Variants in CASZ1 observed in about 807,000 individuals in gnomAD.
CASZ1 encodes zinc finger protein castor homolog 1.
A neutral mutation model predicts 135.2 loss-of-function variants in CASZ1; 28 were observed. The ratio of observed to expected loss-of-function variants is 0.21; its 90% CI spans 0.15 to 0.28. The LOEUF is 0.28. CASZ1 is among the 10% of genes least tolerant of loss of function. CASZ1 has a pLI of 1.00. For missense variants in CASZ1, 2,161 were observed against 2,453.3 expected (o/e 0.88, Z 2.52); for synonymous variants, 1,068 against 1,073.4 (o/e 0.99, Z 0.10).
At chr1:10,734,786 G>T (rs1639765722) in intron 2 of CASZ1, among the ~76,000 whole-genome samples, 1 of 152,220 alleles carries the variant, frequency 6.6e-6, no homozygotes, top group South Asian at 2.1e-4. Flanking sequence ...ACAATGTTTG[G>T]GGGTGGAAGG....
At chr1:10,750,428 G>A (rs1640129047) in intron 2 of CASZ1, among the ~76,000 whole-genome samples, 2 of 152,008 alleles carry the variant, frequency 1.3e-5, no homozygotes, top group South Asian at 2.1e-4. Flanking sequence ...CTACAGGTGC[G>A]TGCGCCACCA....
At chr1:10,695,670 TTTG>T in intron 3 of CASZ1, among the ~76,000 whole-genome samples, 1 of 150,250 alleles carries the variant, frequency 6.7e-6, no homozygotes, top group Non-Finnish European at 1.5e-5. Context: ...AGCCAGGCGC[TTTG>T]TGCTGCCCGT....
intron 2 of CASZ1, among the ~76,000 whole-genome samples, chr1:10,742,964 A>G (rs557755): frequency 0.98 from 148,370 of 152,120 alleles, 72,368 homozygotes; most frequent in African/African-American, 0.99. Context: ...CAACCTGGGC[A>G]ACAGAGCAAG....
intron 2 of CASZ1, among the ~76,000 whole-genome samples, chr1:10,758,328 C>CTTTT (rs756390835): frequency 4.5e-5 from 6 of 134,362 alleles, no homozygotes; most frequent in African/African-American, 1.2e-4. Context: ...CTCTCTCTCT[C>CTTTT]TTTTTTTTTT....
chr1:10,655,412 C>T (rs1001345946), intron 9 of CASZ1, among the ~76,000 whole-genome samples: 2 of 152,238 alleles, frequency 1.3e-5, no homozygotes, highest in African/African-American at 4.8e-5. Context: ...TCATCCACAC[C>T]AAGTATGGCC....
chr1:10,667,982 C>G (rs1025601012), intron 4 of CASZ1, among the ~76,000 whole-genome samples: 1 of 152,112 alleles, frequency 6.6e-6, no homozygotes, highest in Admixed American at 6.5e-5. Flanking sequence ...CCGACTCCCC[C>G]GGCACCTGCC....
chr1:10,667,209 C>T (rs753478419), intron 4 of CASZ1, among the ~76,000 whole-genome samples: 3 of 152,242 alleles, frequency 2.0e-5, no homozygotes, highest in Non-Finnish European at 4.4e-5. Flanking sequence ...GATAACCGTC[C>T]CCTGATAGAC....
At chr1:10,673,028 C>T (rs1011391818) in intron 4 of CASZ1, among the ~76,000 whole-genome samples, 9 of 150,854 alleles carry the variant, frequency 6.0e-5, no homozygotes, top group African/African-American at 7.3e-5. Flanking sequence ...GCACGGTGGA[C>T]GGCGTTGGGG....
chr1:10,782,797 G>T (rs1443574443), intron 1 of CASZ1, among the ~76,000 whole-genome samples: 1 of 152,206 alleles, frequency 6.6e-6, no homozygotes, highest in South Asian at 2.1e-4. Context: ...TGGGAGGGGG[G>T]AAGGCTGGGG....
In CASZ1 at chr1:10,747,817, C is replaced by CTTT. The variant is rs34001765; in HGVS notation, c.-77+12881_-77+12883dup. On this transcript the variant is annotated intron_variant, in intron 2 of 20. Coordinates refer to ENST00000377022, the MANE Select transcript of CASZ1 (RefSeq NM_001079843.3). The surrounding 1 kb of genome is among the most constrained non-coding windows in gnomAD (Gnocchi z 4.3). ...CAGTACACTGTGCTCACCTGCCTGA[C>CTTT]TTTTTTTTTTTTTTTTTGAGATGGA... Among the ~76,000 whole-genome samples the CTTT allele has an allele frequency of 5.0e-3, 669 of 134,178 alleles. 7 individuals are homozygous for CTTT. The highest frequency in any genetic ancestry group is 0.017 in the African/African-American group (586 of 34,894). 88.0% of individuals were successfully genotyped at this position (134,178 alleles called of 152,430 possible). A position where few individuals can be genotyped will look rare whatever the true frequency, so the allele number is the denominator to read the frequency against.
chr1:10,788,240 G>T lies in CASZ1; in HGVS notation c.-234+8324C>A, dbSNP rs1196054103. On this transcript the variant is annotated intron_variant, in intron 1 of 20. Coordinates refer to ENST00000377022, the MANE Select transcript of CASZ1 (RefSeq NM_001079843.3). The surrounding 1 kb of genome is among the most constrained non-coding windows in gnomAD (Gnocchi z 4.1). Reference sequence around the variant, plus strand: ...GGGCATCGCTACCTGAGCAGGTGGGGTTCCTCACAGAGCAACCTGAGTGCT... The same window carrying T: ...GGGCATCGCTACCTGAGCAGGTGGGTTTCCTCACAGAGCAACCTGAGTGCT... Among the ~76,000 whole-genome samples, 3 of 152,176 alleles carry T rather than the reference G, an allele frequency of 2.0e-5. No homozygotes were observed. The highest frequency in any genetic ancestry group is 4.4e-5 in the Non-Finnish European group (3 of 68,028).
chr1:10,689,530 G>A (rs1050878762), intron 4 of CASZ1, among the ~76,000 whole-genome samples: 4 of 152,142 alleles, frequency 2.6e-5, no homozygotes, highest in South Asian at 2.1e-4. Flanking sequence ...CCCTACCAGG[G>A]AAAAAGGGCC....
intron 2 of CASZ1, among the ~76,000 whole-genome samples, chr1:10,751,699 G>A (rs778558772): frequency 1.3e-5 from 2 of 152,188 alleles, no homozygotes; most frequent in African/African-American, 2.4e-5. Flanking sequence ...CCACTCGTGC[G>A]GCACCCCCGG....
Position 10,721,654 on chromosome 1 carries a change from G to A in CASZ1, c.-76-16110C>T, listed in dbSNP as rs1309001574. 6.6e-6 allele frequency among the ~76,000 whole-genome samples: 1 copy of A among 152,174 alleles called. No homozygotes were observed. The highest frequency in any genetic ancestry group is 1.5e-5 in the Non-Finnish European group (1 of 68,026). ...GGGGCTGGACGAGGGTGGAGGGTAC[G>A]CCAGTGACCTCCCCTCCTAAGCTGC... On this transcript the variant is annotated intron_variant, in intron 2 of 20. Transcript: ENST00000377022. The surrounding 1 kb of genome is among the most constrained non-coding windows in gnomAD (Gnocchi z 5.4).
intron 1 of CASZ1, among the ~76,000 whole-genome samples, chr1:10,772,388 T>C (rs1455752307): frequency 6.6e-6 from 1 of 152,150 alleles, no homozygotes; most frequent in East Asian, 1.9e-4. Flanking sequence ...ACTTCCCAGC[T>C]TCAGGAGAGG....
At chr1:10,678,083 G>T (rs1232610609) in intron 4 of CASZ1, among the ~76,000 whole-genome samples, 1 of 152,184 alleles carries the variant, frequency 6.6e-6, no homozygotes, top group Non-Finnish European at 1.5e-5. Flanking sequence ...GCGCTCTCTG[G>T]GGATGAGAGG....
chr1:10,707,370 G>GT lies in CASZ1; in HGVS notation c.-76-1827dup, dbSNP rs1639199009. Among the ~76,000 whole-genome samples the GT allele has an allele frequency of 6.6e-6, 1 of 152,144 alleles. No individual in the cohort carries two copies. The highest frequency in any genetic ancestry group is 1.5e-5 in the Non-Finnish European group (1 of 68,040). ...GGTGTTGCCGTCCCCAACCACCCCT[G>GT]TTTTCTGACAACAAGGGAGCGCGGG... On this transcript the variant is annotated intron_variant, in intron 2 of 20. Coordinates refer to ENST00000377022, the MANE Select transcript of CASZ1 (RefSeq NM_001079843.3). The surrounding 1 kb of genome is among the most constrained non-coding windows in gnomAD (Gnocchi z 5.0).
rs932763604 is a variant in CASZ1, at chr1:10,793,034, G to C, written c.-234+3530C>G. Among the ~76,000 whole-genome samples, 12 of 152,100 alleles carry C rather than the reference G, an allele frequency of 7.9e-5. No individual in the cohort carries two copies. The East Asian group carries it at 2.3e-3, about 29-fold the overall frequency. ...TGAACTTCTTTTAAATTAAAAAGGG[G>C]TGGGGGGCAAGATAAACTATTAATA... On this transcript the variant is annotated intron_variant, in intron 1 of 20. Coordinates refer to ENST00000377022, the MANE Select transcript of CASZ1 (RefSeq NM_001079843.3).
intron 2 of CASZ1, among the ~76,000 whole-genome samples, chr1:10,750,390 C>T (rs1485178865): frequency 6.6e-6 from 1 of 152,200 alleles, no homozygotes; most frequent in Non-Finnish European, 1.5e-5. Flanking sequence ...ATTCTCCCAC[C>T]TCAGCCTCCC....
Sources: allele counts gnomAD v4.1 joint callset (sites outside exome capture counted in the v4.1 genomes callset), GRCh38; gene constraint gnomAD v4.1.1; non-coding constraint Gnocchi (gnomAD v3.1); transcripts MANE v1.5; gene names NCBI Gene and HGNC (gene_info 2026-07-23, HGNC 2026-07-21).